SYT14: variants seen among roughly 807,000 people sequenced by gnomAD.
The protein encoded by SYT14 is synaptotagmin 14.
In SYT14, 32 loss-of-function variants were observed where a neutral mutation model predicts 74.2. That is an observed-to-expected ratio of 0.43 (90% confidence interval 0.33 to 0.58). The LOEUF (loss-of-function observed/expected upper bound fraction) is 0.58. Ranked by LOEUF, SYT14 falls within the 20% of genes least tolerant of loss-of-function variation. The pLI is 0.05. For missense variants in SYT14, 791 were observed against 981.8 expected, an observed-to-expected ratio of 0.81 and a Z score of 2.60; for synonymous variants, 298 against 337.7, an observed-to-expected ratio of 0.88 and a Z score of 1.29.
chr1:209,986,505 C>G (rs2079572337), intron 2 of SYT14, among the ~76,000 whole-genome samples: 1 of 151,834 alleles, frequency 6.6e-6, no homozygotes, highest in Admixed American at 6.6e-5. Context: ...CCCAGCTACT[C>G]AGGAGGCTGA....
At chr1:210,010,814 G>A (rs1043308552) in intron 2 of SYT14, among the ~76,000 whole-genome samples, 1 of 152,138 alleles carries the variant, frequency 6.6e-6, no homozygotes, top group African/African-American at 2.4e-5. Context: ...GCCAGACAGG[G>A]TTTGAATCCT....
chr1:210,017,351 G>A (rs1180705727), intron 4 of SYT14, among the ~76,000 whole-genome samples: 1 of 152,016 alleles, frequency 6.6e-6, no homozygotes, highest in Non-Finnish European at 1.5e-5. Flanking sequence ...CTTTTCAGCA[G>A]CCCTAGTTTT....
At chr1:210,057,198 G>A (rs1035347808) in intron 5 of SYT14, among the ~76,000 whole-genome samples, 17 of 152,076 alleles carry the variant, frequency 1.1e-4, no homozygotes, top group African/African-American at 4.1e-4. Context: ...CCAAACATGA[G>A]GTAGTATAAA....
At chr1:210,048,933 A>G (rs1354970829) in intron 5 of SYT14, among the ~76,000 whole-genome samples, 2 of 152,248 alleles carry the variant, frequency 1.3e-5, no homozygotes, top group East Asian at 1.9e-4. Flanking sequence ...TACAGGCCCC[A>G]TGCAAGTTTA....
chr1:209,979,876 C>T (rs974457958), intron 2 of SYT14, among the ~76,000 whole-genome samples: 1 of 152,144 alleles, frequency 6.6e-6, no homozygotes, highest in Non-Finnish European at 1.5e-5. Flanking sequence ...TAGATTGATT[C>T]CACGTCTTTG....
intron 1 of SYT14, among the ~76,000 whole-genome samples, chr1:209,948,862 G>A (rs889840941): frequency 1.3e-5 from 2 of 151,942 alleles, no homozygotes; most frequent in South Asian, 2.1e-4. Context: ...TTTGATGTGT[G>A]GAAAATTGTA....
chr1:210,160,063 C>T (rs1424188403), intron 9 of SYT14, among the ~76,000 whole-genome samples: 1 of 152,160 alleles, frequency 6.6e-6, no homozygotes, highest in East Asian at 1.9e-4. Context: ...TAAATGTACT[C>T]TTGCATGAAA....
At chr1:210,161,036 G>C in exon 10 of SYT14, 1 of 1,613,610 alleles carries the variant, frequency 6.2e-7, no homozygotes, top group South Asian at 1.1e-5. Flanking sequence ...CGTTGCTAGA[G>C]TCATGATGAA....
At chr1:210,149,603 T>C (rs1300414316) in intron 7 of SYT14, among the ~76,000 whole-genome samples, 1 of 152,234 alleles carries the variant, frequency 6.6e-6, no homozygotes, top group Non-Finnish European at 1.5e-5. Flanking sequence ...TCTTCTATCT[T>C]AAATCTTAGA....
chr1:210,004,848 A>G (rs1013886008), intron 2 of SYT14, among the ~76,000 whole-genome samples: 1 of 151,972 alleles, frequency 6.6e-6, no homozygotes, highest in Non-Finnish European at 1.5e-5. Context: ...CTTTTACTAT[A>G]TCTGATACAG....
At chr1:209,944,894 T>C (rs751289129) in intron 1 of SYT14, among the ~76,000 whole-genome samples, 12 of 152,156 alleles carry the variant, frequency 7.9e-5, no homozygotes, top group Non-Finnish European at 1.5e-4. Context: ...AGAAAACATC[T>C]CCAGAGCCTG....
chr1:210,061,434 T>C (rs1250873128), intron 5 of SYT14, among the ~76,000 whole-genome samples: 1 of 151,986 alleles, frequency 6.6e-6, no homozygotes, highest in Admixed American at 6.6e-5. Flanking sequence ...TTGGTAAACA[T>C]TTATGTTCTT....
chr1:210,135,931 G>A (rs1425522328), intron 7 of SYT14, among the ~76,000 whole-genome samples: 2 of 152,232 alleles, frequency 1.3e-5, no homozygotes, highest in African/African-American at 2.4e-5. Flanking sequence ...TCAGGCCTAT[G>A]TGAGTTGTGG....
At chr1:210,024,978 C>T (rs1185528575) in intron 5 of SYT14, among the ~76,000 whole-genome samples, 1 of 151,566 alleles carries the variant, frequency 6.6e-6, no homozygotes, top group East Asian at 1.9e-4. Context: ...ATAAGGAAGT[C>T]AGATTGAATG....
chr1:209,944,681 G>A (rs2078793643), intron 1 of SYT14, among the ~76,000 whole-genome samples: 1 of 151,628 alleles, frequency 6.6e-6, no homozygotes, highest in South Asian at 2.1e-4. Flanking sequence ...CATAGCAACA[G>A]CAAAAAGTAA....
chr1:209,954,421 A>G (rs547341489), intron 2 of SYT14, among the ~76,000 whole-genome samples: 4 of 151,966 alleles, frequency 2.6e-5, no homozygotes, highest in Non-Finnish European at 5.9e-5. Context: ...TCTTCCGTTT[A>G]TCTACAGAAT....
intron 5 of SYT14, among the ~76,000 whole-genome samples, chr1:210,053,122 A>T (rs2081033690): frequency 6.6e-6 from 1 of 152,190 alleles, no homozygotes; most frequent in Admixed American, 6.5e-5. Flanking sequence ...ATAGATCAAC[A>T]TTTTAATTTA....
chr1:209,983,044 T>G (rs2079514391), intron 2 of SYT14, among the ~76,000 whole-genome samples: 1 of 144,212 alleles, frequency 6.9e-6, no homozygotes, highest in African/African-American at 2.6e-5. Flanking sequence ...CATCAGGCTG[T>G]TTTTTTTTTT....
intron 4 of SYT14, among the ~76,000 whole-genome samples, chr1:210,017,662 C>T (rs565790335): frequency 6.6e-6 from 1 of 152,126 alleles, no homozygotes; most frequent in South Asian, 2.1e-4. Flanking sequence ...CGTGAATAAT[C>T]TATTATTATT....
Sources: gnomAD v4.1 joint callset for allele counts (sites outside exome capture counted in the v4.1 genomes callset) on GRCh38, gnomAD v4.1.1 for gene constraint, MANE v1.5 for transcripts, NCBI Gene and HGNC (gene_info 2026-07-23, HGNC 2026-07-21) for gene names.